Variants in HSPA4L observed in about 807,000 individuals in gnomAD.
HSPA4L encodes heat shock 70 kDa protein 4L.
In HSPA4L, 48 loss-of-function variants were observed where a neutral mutation model predicts 100.3. The ratio of observed to expected loss-of-function variants is 0.48; its 90% confidence interval spans 0.38 to 0.61. HSPA4L has a LOEUF of 0.61. Among genes scored for constraint, HSPA4L ranks in the 20% least tolerant of loss-of-function variants. The probability of loss-of-function intolerance (pLI) is 0.00; values close to 1 mark genes in which losing one functional copy is unlikely to be tolerated. For synonymous variants in HSPA4L, 319 were observed against 328.2 expected, an observed-to-expected ratio of 0.97 and a Z score of 0.30; for missense variants, 886 against 988.6, an observed-to-expected ratio of 0.90 and a Z score of 1.39.
At chr4:127,788,138 A>G (rs938362231) in intron 1 of HSPA4L, among the ~76,000 whole-genome samples, 8 of 152,106 alleles carry the variant, frequency 5.3e-5, no homozygotes, top group African/African-American at 1.2e-4. Context: ...TGTAGCTAGT[A>G]TACCTAATCA....
At position 127,840,501 on chromosome 4, in the gene HSPA4L, C is replaced by CTT. The variant is rs747458288; in HGVS notation, c.*7628_*7629dup. ...AGCAGACATGAGAATGGTTTATGAT[C>CTT]TTAAGTTGGTAACATAGGAATATGT... is the stretch of plus-strand genomic sequence containing the variant. On this transcript the variant is annotated 3_prime_UTR_variant, in exon 19 of 19. Coordinates refer to ENST00000296464, the MANE Select transcript of HSPA4L (RefSeq NM_014278.4). 5 of 152,114 alleles carry CTT rather than the reference C, an allele frequency of 3.3e-5. No individual in the cohort carries two copies. Among genetic ancestry groups the CTT allele is most frequent in the Non-Finnish European group, 7.4e-5 (5 of 68,006 alleles). The allele number at this position is 152,114 out of a possible 1,614,324, so 9.4% of individuals were successfully genotyped here.
At chr4:127,785,683 C>T (rs1002295630) in intron 1 of HSPA4L, among the ~76,000 whole-genome samples, 13 of 152,134 alleles carry the variant, frequency 8.5e-5, no homozygotes, top group Non-Finnish European at 1.3e-4. Flanking sequence ...GTGATCCACC[C>T]GCCTCGGCCT....
chr4:127,821,239 A>G (rs2148796470), intron 14 of HSPA4L, among the ~76,000 whole-genome samples: 1 of 152,264 alleles, frequency 6.6e-6, no homozygotes, highest in East Asian at 1.9e-4. Context: ...TATGTGAAGC[A>G]AGCATTCCTG....
Position 127,786,841 on chromosome 4 carries a change from A to G in HSPA4L, c.107+4184A>G, listed in dbSNP as rs191613210. Among the ~76,000 whole-genome samples, 1,194 of 152,330 alleles carry G rather than the reference A, an allele frequency of 7.8e-3. 11 individuals carry two copies. The highest frequency in any genetic ancestry group is 0.019 in the South Asian group (93 of 4,832). ...TTTAAAATTCATAAAAAATACATAC[A>G]AAACATATTAGTGTAAACATTTGGA... On this transcript the variant is annotated intron_variant, in intron 1 of 18. Transcript: ENST00000296464.
At chr4:127,815,319 GA>G (rs1419125251) in intron 12 of HSPA4L, among the ~76,000 whole-genome samples, 1 of 152,004 alleles carries the variant, frequency 6.6e-6, no homozygotes, top group Non-Finnish European at 1.5e-5. Flanking sequence ...GGCATATTAA[GA>G]AATTACCACA....
rs1734125381 is a variant in HSPA4L at position 127,832,980 on chromosome 4, T to C, written c.*106T>C. The C allele has an allele frequency of 3.8e-6, 3 of 788,804 alleles. No homozygotes were observed. The highest frequency in any genetic ancestry group is 1.8e-5 in the African/African-American group (1 of 56,246). The allele number at this position is 788,804 out of a possible 1,614,324, so 48.9% of individuals were successfully genotyped here. A position where few individuals can be genotyped will look rare whatever the true frequency, so the allele number is the denominator to read the frequency against. On this transcript the variant is annotated 3_prime_UTR_variant, in exon 19 of 19. Transcript: ENST00000296464. ...ACGCTCAGTTGTTCTTAACCACTTTTGTCATTTGTTTTTTGGAGTAGTTTT... is the reference window on the plus strand; with the variant it reads ...ACGCTCAGTTGTTCTTAACCACTTTCGTCATTTGTTTTTTGGAGTAGTTTT...
chr4:127,803,155 T>C (rs1463316137), intron 6 of HSPA4L, among the ~76,000 whole-genome samples: 2 of 152,132 alleles, frequency 1.3e-5, no homozygotes, highest in Non-Finnish European at 2.9e-5. Context: ...TTTGTTTCTG[T>C]TTTTTTGTAA....
At chr4:127,782,153 T>C (rs1398558667), upstream of HSPA4L, 1 of 440,562 alleles carries the variant, frequency 2.3e-6, no homozygotes, top group East Asian at 7.5e-5. Context: ...TCCAGATCTT[T>C]CTCGAACCCG....
chr4:127,829,699 T>C (rs1734032037), intron 17 of HSPA4L, among the ~76,000 whole-genome samples: 1 of 151,874 alleles, frequency 6.6e-6, no homozygotes, highest in Non-Finnish European at 1.5e-5. Context: ...AACATAAGCA[T>C]TTCAAACTTT....
At chr4:127,825,015 C>T (rs1578721636) in intron 16 of HSPA4L, among the ~76,000 whole-genome samples, 1 of 151,976 alleles carries the variant, frequency 6.6e-6, no homozygotes, top group African/African-American at 2.4e-5. Flanking sequence ...TGGCGGGCAC[C>T]TGTAGTCCCA....
chr4:127,818,568 T>A, intron 13 of HSPA4L, 148 bp downstream of exon 13: 1 of 496,942 alleles, frequency 2.0e-6, no homozygotes, highest in Non-Finnish European at 3.6e-6. Flanking sequence ...AAATATACTT[T>A]AATGATTTAT....
intron 1 of HSPA4L, among the ~76,000 whole-genome samples, chr4:127,786,871 AAGT>A (rs973890501): frequency 1.3e-5 from 2 of 152,216 alleles, no homozygotes; most frequent in African/African-American, 2.4e-5. Context: ...TTTGGAGAAA[AAGT>A]AGTGTGGAAG....
chr4:127,805,734 A>C lies in HSPA4L; in HGVS notation c.1185A>C (p.Thr395=). Residue 395 remains threonine (T), a synonymous_variant, in exon 10 of 19, where the codon ACA becomes ACC. Coordinates refer to ENST00000296464, the MANE Select transcript of HSPA4L (RefSeq NM_014278.4). The part of the protein sequence containing the change: ...PAFKVREFSI[T]DLVPYSITLR... ...TTAAAGTGCGTGAATTTTCCATAAC[A>C]GACCTTGTTCCCTATTCAATCACAT... The C allele has an allele frequency of 6.2e-7, 1 of 1,612,972 alleles. No homozygotes were observed. The highest frequency in any genetic ancestry group is 8.5e-7 in the Non-Finnish European group (1 of 1,179,276).
At chr4:127,782,065 C>T (rs960455865), upstream of HSPA4L, 32 of 455,372 alleles carry the variant, frequency 7.0e-5, no homozygotes, top group African/African-American at 6.0e-4. Context: ...AGCCAATGTG[C>T]CTAGCCTCCT....
intron 17 of HSPA4L, among the ~76,000 whole-genome samples, chr4:127,828,474 T>C (rs552976219): frequency 1.3e-5 from 2 of 152,252 alleles, no homozygotes; most frequent in African/African-American, 4.8e-5. Context: ...AAGCAACTTA[T>C]TGAGGTTTAC....
At position 127,813,336 on chromosome 4, in the gene HSPA4L, T is replaced by G; in HGVS notation, c.1578+1700T>G. The stretch of plus-strand genomic sequence containing the variant: ...ATTACTATGCATCTTTCTTCCAAAT[T>G]GATCAGAATTCAACCACTAGACTTT... On this transcript the variant is annotated intron_variant, in intron 12 of 18. Coordinates refer to ENST00000296464, the MANE Select transcript of HSPA4L (RefSeq NM_014278.4). 5 of 623,298 alleles carry G rather than the reference T, an allele frequency of 8.0e-6. No homozygotes were observed. The South Asian group carries it at 9.7e-5, about 12-fold the overall frequency. 38.6% of individuals were successfully genotyped at this position (623,298 alleles called of 1,614,324 possible). A position where few individuals can be genotyped will look rare whatever the true frequency, so the allele number is the denominator to read the frequency against.
chr4:127,809,520 G>A, intron 11 of HSPA4L: 1 of 858,734 alleles, frequency 1.2e-6, no homozygotes. Context: ...AATATCAAAT[G>A]CCAAAGCTAC....
chr4:127,813,393 C>T (rs1027777788), intron 12 of HSPA4L: 35 of 503,140 alleles, frequency 7.0e-5, no homozygotes, highest in Non-Finnish European at 1.2e-4. Context: ...GTGGCTTTTT[C>T]TTTCAATCTT....
Position 127,804,050 on chromosome 4 carries a change from G to T in HSPA4L, c.948G>T (p.Arg316Ser), listed in dbSNP as rs1733276079. 1.2e-6 allele frequency: 2 copies of T among 1,613,882 alleles called. No individual in the cohort carries two copies. Among genetic ancestry groups the T allele is most frequent in the African/African-American group, 1.3e-5 (1 of 74,886 alleles). The change falls in exon 8 of 19, where the codon AGG becomes AGT. Residue 316 changes from arginine to serine, a missense_variant. Coordinates refer to ENST00000296464, the MANE Select transcript of HSPA4L (RefSeq NM_014278.4). The stretch of plus-strand genomic sequence containing the variant: ...AACTGTGTGCTTCCCTTTTGGCCAG[G>T]GTTGAACCACCTTTAAAAGCAGTAA... ...FEQLCASLLA[R>S]VEPPLKAVME...
Sources: allele counts gnomAD v4.1 joint callset (sites outside exome capture counted in the v4.1 genomes callset), GRCh38; gene constraint gnomAD v4.1.1; transcripts MANE v1.5; gene names NCBI Gene and HGNC (gene_info 2026-07-23, HGNC 2026-07-21).